The following PDSS2 variants were observed in gnomAD, a reference collection of about 807,000 sequenced individuals.
PDSS2 encodes all trans-polyprenyl-diphosphate synthase PDSS2.
In PDSS2, 31 loss-of-function variants were observed where a neutral mutation model predicts 44.5. That is an observed-to-expected ratio of 0.70 (90% CI 0.52 to 0.94). The LOEUF is 0.94. PDSS2 is among the 40% of genes least tolerant of loss of function. The pLI, the probability that PDSS2 is intolerant of heterozygous loss-of-function variation, is 0.00. For missense variants in PDSS2, 452 were observed against 482.2 expected (o/e 0.94, Z 0.59); for synonymous variants, 157 against 180.3 (o/e 0.87, Z 1.03).
chr6:107,245,016 C>A (rs1263176429), intron 4 of PDSS2, among the ~76,000 whole-genome samples: 1 of 152,186 alleles, frequency 6.6e-6, no homozygotes, highest in African/African-American at 2.4e-5. Flanking sequence ...AATCTTAATT[C>A]TAGACCTATA....
intron 1 of PDSS2, among the ~76,000 whole-genome samples, chr6:107,364,279 C>T (rs559985969): frequency 6.1e-4 from 93 of 152,318 alleles, no homozygotes; most frequent in Admixed American, 1.3e-3. Flanking sequence ...TGGGACTGGG[C>T]GCCGTGGAGT....
intron 1 of PDSS2, among the ~76,000 whole-genome samples, chr6:107,418,492 T>C (rs1780731296): frequency 1.3e-5 from 2 of 151,970 alleles, no homozygotes; most frequent in Admixed American, 1.3e-4. Flanking sequence ...TGTTGTTTGG[T>C]TGGGTGTGGT....
intron 3 of PDSS2, among the ~76,000 whole-genome samples, chr6:107,269,628 T>C (rs1340588808): frequency 1.3e-5 from 2 of 152,158 alleles, no homozygotes; most frequent in Admixed American, 6.6e-5. Flanking sequence ...TCAAGTGATG[T>C]TGAACGAAAT....
At chr6:107,173,659 C>T (rs1396124436) in intron 7 of PDSS2, among the ~76,000 whole-genome samples, 2 of 140,498 alleles carry the variant, frequency 1.4e-5, no homozygotes, top group African/African-American at 2.6e-5. Context: ...TTGGTTTCTT[C>T]TTCTTATCAC....
At chr6:107,247,163 C>A (rs1199734465) in intron 3 of PDSS2, among the ~76,000 whole-genome samples, 1 of 152,176 alleles carries the variant, frequency 6.6e-6, no homozygotes, top group Non-Finnish European at 1.5e-5. Flanking sequence ...CCAAGATCCC[C>A]CTGATGGCTG....
At chr6:107,290,035 C>T (rs1582898881) in intron 2 of PDSS2, among the ~76,000 whole-genome samples, 2 of 152,102 alleles carry the variant, frequency 1.3e-5, no homozygotes, top group East Asian at 3.9e-4. Context: ...AGCCTCGGCC[C>T]GTGATTACAG....
At chr6:107,326,395 C>T (rs1777548035) in intron 2 of PDSS2, among the ~76,000 whole-genome samples, 1 of 151,864 alleles carries the variant, frequency 6.6e-6, no homozygotes, top group Non-Finnish European at 1.5e-5. Context: ...CAGGCGTAAG[C>T]CACTGCACCC....
At chr6:107,337,781 T>C (rs989867629) in intron 1 of PDSS2, among the ~76,000 whole-genome samples, 1 of 152,224 alleles carries the variant, frequency 6.6e-6, no homozygotes, top group Non-Finnish European at 1.5e-5. Flanking sequence ...TATTTAGTTT[T>C]CTACCTCCTC....
At chr6:107,378,058 AAAATAAAT>A (rs998269690) in intron 1 of PDSS2, among the ~76,000 whole-genome samples, 94 of 150,758 alleles carry the variant, frequency 6.2e-4, no homozygotes, top group African/African-American at 2.2e-3. Context: ...AATAAAAATA[AAAATAAAT>A]AAATAAATAT....
chr6:107,429,917 T>C (rs1399946149), intron 1 of PDSS2, among the ~76,000 whole-genome samples: 7 of 95,976 alleles, frequency 7.3e-5, no homozygotes, highest in African/African-American at 2.0e-4. Flanking sequence ...TATATATATA[T>C]ATATATATAT....
At chr6:107,156,727 T>C (rs1770911802) in intron 7 of PDSS2, among the ~76,000 whole-genome samples, 1 of 152,168 alleles carries the variant, frequency 6.6e-6, no homozygotes, top group Non-Finnish European at 1.5e-5. Context: ...CTTGCACAGC[T>C]ACCAGCCCAC....
At chr6:107,378,701 G>C (rs1779366157) in intron 1 of PDSS2, among the ~76,000 whole-genome samples, 2 of 152,204 alleles carry the variant, frequency 1.3e-5, no homozygotes, top group Admixed American at 1.3e-4. Flanking sequence ...CAGGAGAATA[G>C]CTTGAACCTG....
intron 1 of PDSS2, among the ~76,000 whole-genome samples, chr6:107,456,898 G>C (rs1782061347): frequency 6.6e-6 from 1 of 152,046 alleles, no homozygotes; most frequent in Non-Finnish European, 1.5e-5. Context: ...GAGTCAGGGA[G>C]ATGGACTGAG....
chr6:107,281,070 C>T (rs902314261), intron 2 of PDSS2, among the ~76,000 whole-genome samples: 5 of 152,192 alleles, frequency 3.3e-5, no homozygotes, highest in African/African-American at 9.6e-5. Context: ...TATAAGGGAA[C>T]AGATTCAGTT....
At chr6:107,434,640 G>A (rs1267012905) in intron 1 of PDSS2, among the ~76,000 whole-genome samples, 1 of 152,046 alleles carries the variant, frequency 6.6e-6, no homozygotes, top group Non-Finnish European at 1.5e-5. Flanking sequence ...TGGTTAATGA[G>A]TACAAAAATA....
chr6:107,377,828 C>T (rs1779334190), intron 1 of PDSS2, among the ~76,000 whole-genome samples: 3 of 151,648 alleles, frequency 2.0e-5, no homozygotes, highest in African/African-American at 7.3e-5. Context: ...TAGATGGGAA[C>T]TGAACAATGA....
At chr6:107,395,937 G>A (rs1356104527) in intron 1 of PDSS2, among the ~76,000 whole-genome samples, 1 of 152,062 alleles carries the variant, frequency 6.6e-6, no homozygotes, top group Non-Finnish European at 1.5e-5. Flanking sequence ...TGATCTATGT[G>A]GAGTTTCATT....
intron 1 of PDSS2, among the ~76,000 whole-genome samples, chr6:107,424,556 C>G (rs1023413706): frequency 2.0e-5 from 3 of 152,118 alleles, no homozygotes; most frequent in Admixed American, 2.0e-4. Flanking sequence ...TATTATTTCT[C>G]CTACCTATCC....
chr6:107,364,408 C>T (rs981556816), intron 1 of PDSS2, among the ~76,000 whole-genome samples: 3 of 152,236 alleles, frequency 2.0e-5, no homozygotes, highest in Admixed American at 6.5e-5. Flanking sequence ...CAGCTAAGGC[C>T]CGGCGAGAAA....
Sources: allele counts gnomAD v4.1 joint callset (sites outside exome capture counted in the v4.1 genomes callset), GRCh38; gene constraint gnomAD v4.1.1; transcripts MANE v1.5; gene names NCBI Gene and HGNC (gene_info 2026-07-23, HGNC 2026-07-21).